The following CREBZF variants were observed in gnomAD, a reference collection of about 807,000 sequenced individuals.
CREBZF encodes the protein CREB/ATF bZIP transcription factor.
In CREBZF, 8 loss-of-function variants were observed where a neutral mutation model predicts 21.1. That is an observed-to-expected ratio of 0.38 (90% confidence interval 0.22 to 0.68). The LOEUF (loss-of-function observed/expected upper bound fraction) is 0.68. Ranked by LOEUF, CREBZF falls within the 30% of genes least tolerant of loss-of-function variation. The pLI is 0.51. For synonymous variants in CREBZF, 270 were observed against 223.3 expected (o/e 1.21, Z -1.86); for missense variants, 518 against 484.3 (o/e 1.07, Z -0.65).
At chr11:85,670,061 C>CAG (rs1406007676), upstream of CREBZF, among the ~76,000 whole-genome samples, 5 of 152,044 alleles carry the variant, frequency 3.3e-5, no homozygotes, top group African/African-American at 1.2e-4. Context: ...CCTGTCTCGG[C>CAG]CTCCCAAAGT....
chr11:85,664,571 A>G lies in CREBZF; in HGVS notation c.305T>C (p.Leu102Pro). 1 of 1,613,910 alleles carries G rather than the reference A, an allele frequency of 6.2e-7. No individual in the cohort carries two copies. Among genetic ancestry groups the G allele is most frequent in the Non-Finnish European group, 8.5e-7 (1 of 1,179,958 alleles). Residue 102 changes from leucine to proline, a missense_variant, in exon 1 of 1, where the codon CTG becomes CCG. Leu to Pro is a moderately conservative substitution (Grantham distance 98). Around this residue, in one of 3 missense-constraint regions of CREBZF, gnomAD observed 396 missense variants for 324.4 expected, o/e 1.22. Coordinates refer to ENST00000527447, the MANE Select transcript of CREBZF (RefSeq NM_001039618.4). This position sits in a 1 kb window ranked among gnomAD's most constrained non-coding sequence, Gnocchi z 5.5. ...GAGATCCGCCAGTTCCAGCCCAGAC[A>G]GAAAGTCCATATCCTCCGTCTCTTC... ...PGEETEDMDF[L>P]SGLELADLLD...
chr11:85,676,635 CT>C (rs995955635), intron 1 of CREBZF, among the ~76,000 whole-genome samples: 7 of 151,038 alleles, frequency 4.6e-5, no homozygotes, highest in Admixed American at 6.6e-5. Flanking sequence ...TATAATGTCA[CT>C]TTTTTTTTCT....
In CREBZF at chr11:85,662,335, T is replaced by C. The variant is rs1458400048; in HGVS notation, c.*1476A>G. On this transcript the variant is annotated 3_prime_UTR_variant, in exon 1 of 1. Coordinates refer to ENST00000527447, the MANE Select transcript of CREBZF (RefSeq NM_001039618.4). ...TTTTTAATTATGAACATGTTAAAAA[T>C]AAAAAACAGCAGAAGCCCTGATATT... is the stretch of plus-strand genomic sequence containing the variant. 5 of 692,466 alleles carry C rather than the reference T, an allele frequency of 7.2e-6. 1 individual carries two copies. Among genetic ancestry groups the C allele is most frequent in the Admixed American group, 2.2e-5 (1 of 45,266 alleles). 42.9% of individuals were successfully genotyped at this position (692,466 alleles called of 1,614,324 possible).
rs969829208 is a variant in CREBZF, at chr11:85,658,128, A to C, written c.*5683T>G. Among the ~76,000 whole-genome samples, 1 of 152,008 alleles carries C rather than the reference A, an allele frequency of 6.6e-6. No homozygotes were observed. The highest frequency in any genetic ancestry group is 2.4e-5 in the African/African-American group (1 of 41,452). ...GAGTTCTACTCATCCCAGTGAAAAA[A>C]ACAATGAATTAAAAGTAATTTCTGG... On this transcript the variant is annotated 3_prime_UTR_variant, in exon 1 of 1. Coordinates refer to ENST00000527447, the MANE Select transcript of CREBZF (RefSeq NM_001039618.4).
intron 1 of CREBZF, among the ~76,000 whole-genome samples, chr11:85,672,961 T>C (rs1372162050): frequency 2.0e-5 from 3 of 152,034 alleles, no homozygotes; most frequent in African/African-American, 7.2e-5. Context: ...AAATCCAATG[T>C]CTCCACAAGA....
At chr11:85,667,371 C>T (rs1306428860), upstream of CREBZF, among the ~76,000 whole-genome samples, 1 of 152,212 alleles carries the variant, frequency 6.6e-6, no homozygotes, top group Non-Finnish European at 1.5e-5. Context: ...CTGCAACTGC[C>T]CAGATTCGCT....
chr11:85,667,994 C>A (rs1393645021), upstream of CREBZF, among the ~76,000 whole-genome samples: 1 of 151,630 alleles, frequency 6.6e-6, no homozygotes. Flanking sequence ...CTTATCAATT[C>A]ATTGAATAAT....
intron 1 of CREBZF, among the ~76,000 whole-genome samples, chr11:85,677,248 A>T (rs1234896066): frequency 6.6e-6 from 1 of 152,184 alleles, no homozygotes; most frequent in Admixed American, 6.5e-5. Context: ...TACAGGTGTG[A>T]GCCACCACAC....
At chr11:85,676,616 A>C (rs2082944094) in intron 1 of CREBZF, among the ~76,000 whole-genome samples, 1 of 152,008 alleles carries the variant, frequency 6.6e-6, no homozygotes, top group African/African-American at 2.4e-5. Flanking sequence ...GGCAGTGTAC[A>C]TCCTTAACTA....
rs763073727 is a variant in CREBZF, at chr11:85,664,294, G to A, written c.582C>T (p.Gly194=). ...KRRRKSPGGG[G]GGGSGNDNNQ... is the part of the protein sequence containing the mutation. The stretch of plus-strand genomic sequence containing the variant: ...TGTTGTCGTTACCGCTGCCGCCACC[G>A]CCGCCTCCTCCTGGGGACTTTCTCC... The change falls in exon 1 of 1, where the codon GGC becomes GGT. Residue 194 remains glycine, a synonymous_variant. Coordinates refer to ENST00000527447, the MANE Select transcript of CREBZF (RefSeq NM_001039618.4). The surrounding 1 kb of genome is among the most constrained non-coding windows in gnomAD (Gnocchi z 5.5). The A allele has an allele frequency of 1.9e-6, 3 of 1,611,866 alleles. No homozygotes were observed. Among genetic ancestry groups the A allele is most frequent in the African/African-American group, 1.3e-5 (1 of 74,870 alleles).
In CREBZF at chr11:85,663,627, T is replaced by C. The variant is rs1053582784; in HGVS notation, c.*184A>G. 6.3e-7 allele frequency: 1 copy of C among 1,575,534 alleles called. No homozygotes were observed. The highest frequency in any genetic ancestry group is 8.6e-7 in the Non-Finnish European group (1 of 1,160,490). On this transcript the variant is annotated 3_prime_UTR_variant, in exon 1 of 1. Transcript: ENST00000527447. ...CTGTCAGAGAGATTTAATAGTCACATGTTATCATTAGGAGTTGGTTACTGT... is the reference window on the plus strand; with the variant it reads ...CTGTCAGAGAGATTTAATAGTCACACGTTATCATTAGGAGTTGGTTACTGT...
Position 85,662,902 on chromosome 11 carries a change from C to A in CREBZF, c.*909G>T, listed in dbSNP as rs1342953098. 6.4e-6 allele frequency: 1 copy of A among 157,400 alleles called. No homozygotes were observed. The highest frequency in any genetic ancestry group is 1.9e-4 in the East Asian group (1 of 5,330). 9.8% of individuals were successfully genotyped at this position (157,400 alleles called of 1,614,324 possible). A position where few individuals can be genotyped will look rare whatever the true frequency, so the allele number is the denominator to read the frequency against. ...AGAAACATTAGCCATTCTTATTCTCCAATTAACTAAAACGCAGGAGTCTCA... is the reference window on the plus strand; with the variant it reads ...AGAAACATTAGCCATTCTTATTCTCAAATTAACTAAAACGCAGGAGTCTCA... On this transcript the variant is annotated 3_prime_UTR_variant, in exon 1 of 1. Coordinates refer to ENST00000527447, the MANE Select transcript of CREBZF (RefSeq NM_001039618.4).
rs1459589875 is a variant in CREBZF at position 85,661,167 on chromosome 11, A to C, written c.*2644T>G. Reference sequence around the variant, plus strand: ...AATAAACAGATCTGTTTAAATTCAGAAACCCAAACATTTACAGTAAAATGT... The same window carrying C: ...AATAAACAGATCTGTTTAAATTCAGCAACCCAAACATTTACAGTAAAATGT... On this transcript the variant is annotated 3_prime_UTR_variant, in exon 1 of 1. Transcript: ENST00000527447. 2.0e-5 allele frequency: 3 copies of C among 152,600 alleles called. No homozygotes were observed. The highest frequency in any genetic ancestry group is 4.4e-5 in the Non-Finnish European group (3 of 67,996). The allele number at this position is 152,600 out of a possible 1,614,324, so 9.5% of individuals were successfully genotyped here.
rs1460158911 is a variant in CREBZF at position 85,659,507 on chromosome 11, A to T, written c.*4304T>A. Reference sequence around the variant, plus strand: ...GGCACTGAATACACTTAAAATGGTAAGAAACTGAATGGATTTAATAAGTTT... The same window carrying T: ...GGCACTGAATACACTTAAAATGGTATGAAACTGAATGGATTTAATAAGTTT... On this transcript the variant is annotated 3_prime_UTR_variant, in exon 1 of 1. Coordinates refer to ENST00000527447, the MANE Select transcript of CREBZF (RefSeq NM_001039618.4). Among the ~76,000 whole-genome samples the T allele has an allele frequency of 6.6e-6, 1 of 152,086 alleles. No homozygotes were observed. Among genetic ancestry groups the T allele is most frequent in the African/African-American group, 2.4e-5 (1 of 41,456 alleles).
chr11:85,664,855 C>A lies in CREBZF; in HGVS notation c.21G>T (p.Lys7Asn). 1 of 1,520,672 alleles carries A rather than the reference C, an allele frequency of 6.6e-7. No homozygotes were observed. The highest frequency in any genetic ancestry group is 1.3e-5 in the South Asian group (1 of 76,744). 94.2% of individuals were successfully genotyped at this position (1,520,672 alleles called of 1,614,324 possible). Residue 7 changes from lysine to asparagine, a missense_variant, in exon 1 of 1, where the codon AAG (lysine) becomes AAT (asparagine). Transcript: ENST00000527447. The surrounding 1 kb of genome is among the most constrained non-coding windows in gnomAD (Gnocchi z 5.5). MRHSLT[K>N]LLAASGSNSP... ...AGTTGCTGCCCGAGGCTGCCAGCAG[C>A]TTGGTCAGGCTATGCCTCATGAGGG... is the stretch of plus-strand genomic sequence containing the variant.
At chr11:85,673,703 G>A (rs776509998) in intron 1 of CREBZF, among the ~76,000 whole-genome samples, 1 of 152,154 alleles carries the variant, frequency 6.6e-6, no homozygotes, top group Non-Finnish European at 1.5e-5. Context: ...TTTCTCTATA[G>A]CACGTGATGT....
Position 85,665,079 on chromosome 11 carries a change from G to A in CREBZF, c.-204C>T, listed in dbSNP as rs894021071. 4 of 431,514 alleles carry A rather than the reference G, an allele frequency of 9.3e-6. No homozygotes were observed. Among genetic ancestry groups the A allele is most frequent in the Non-Finnish European group, 1.7e-5 (4 of 239,242 alleles). 26.7% of individuals were successfully genotyped at this position (431,514 alleles called of 1,614,324 possible). A position where few individuals can be genotyped will look rare whatever the true frequency, so the allele number is the denominator to read the frequency against. The stretch of plus-strand genomic sequence containing the variant: ...AGGGACGGGAGAACGAAGCGGTGAG[G>A]CCCTGCGATGACTCGACCGCGCCAC... On this transcript the variant is annotated 5_prime_UTR_variant, in exon 1 of 1. Coordinates refer to ENST00000527447, the MANE Select transcript of CREBZF (RefSeq NM_001039618.4).
intron 1 of CREBZF, among the ~76,000 whole-genome samples, chr11:85,670,339 C>G (rs191683425): frequency 0.37 from 93 of 252 alleles, 1 homozygote; most frequent in African/African-American, 0.47. Context: ...GAGTCTCGCT[C>G]TGTCACCCAG....
intron 1 of CREBZF, among the ~76,000 whole-genome samples, chr11:85,677,105 A>T (rs895226022): frequency 3.3e-5 from 5 of 151,690 alleles, no homozygotes; most frequent in African/African-American, 1.2e-4. Context: ...CTGGGATTAT[A>T]GGCGCCAGCC....
Sources: gnomAD v4.1 joint callset for allele counts (sites outside exome capture counted in the v4.1 genomes callset) on GRCh38, gnomAD v4.1.1 for gene constraint, gnomAD v4.1.1 regional missense constraint, Gnocchi (gnomAD v3.1) non-coding constraint, MANE v1.5 for transcripts, NCBI Gene and HGNC (gene_info 2026-07-23, HGNC 2026-07-21) for gene names.